The following ABCE1 variants were observed in gnomAD, a reference collection of about 807,000 sequenced individuals.
The protein encoded by ABCE1 is ATP-binding cassette sub-family E member 1.
In ABCE1, 22 loss-of-function variants were observed where a neutral mutation model predicts 83.4. That is an observed-to-expected ratio of 0.26 (90% CI 0.19 to 0.38). The LOEUF (loss-of-function observed/expected upper bound fraction) is 0.38, where lower values mean the gene tolerates loss of function less well. Ranked by LOEUF, ABCE1 falls within the 10% of genes least tolerant of loss-of-function variation. The probability of loss-of-function intolerance (pLI) is 1.00; values close to 1 mark genes in which losing one functional copy is unlikely to be tolerated. For synonymous variants in ABCE1, 204 were observed against 233.7 expected, an observed-to-expected ratio of 0.87 and a Z score of 1.16; for missense variants, 330 against 721.9, an observed-to-expected ratio of 0.46 and a Z score of 6.22.
At position 145,127,868 on chromosome 4, in the gene ABCE1, G is replaced by T. The variant is rs1579226828; in HGVS notation, c.*295G>T. On this transcript the variant is annotated 3_prime_UTR_variant, in exon 18 of 18. Transcript: ENST00000296577. Reference sequence around the variant, plus strand: ...TGATGTATGGGAAGATTTTCAGTAGGTGTATTATATTCACGGTACCAAATG... The same window carrying T: ...TGATGTATGGGAAGATTTTCAGTAGTTGTATTATATTCACGGTACCAAATG... 2.1e-5 allele frequency: 5 copies of T among 243,250 alleles called. No individual in the cohort carries two copies. Among genetic ancestry groups the T allele is most frequent in the Admixed American group, 6.0e-5 (1 of 16,764 alleles). 15.1% of individuals were successfully genotyped at this position (243,250 alleles called of 1,614,324 possible).
At position 145,123,580 on chromosome 4, in the gene ABCE1, T is replaced by C. The variant is rs368605601; in HGVS notation, c.1620T>C (p.Ser540=). The C allele has an allele frequency of 1.7e-4, 275 of 1,601,260 alleles. No individual in the cohort carries two copies. The highest frequency in any genetic ancestry group is 2.1e-4 in the Non-Finnish European group (245 of 1,169,372). The change falls in exon 16 of 18, where the codon TCT becomes TCC. Residue 540 remains serine, a synonymous_variant. Transcript: ENST00000296577. The part of the protein sequence containing the change: ...DRVIVFDGVP[S]KNTVANSPQT... ...TCATCGTTTTTGATGGTGTTCCATC[T>C]AAGAACACAGTTGCAAACAGGTAAA...
rs1022077170 is a variant in ABCE1 at position 145,119,849 on chromosome 4, A to G, written c.923-83A>G. ...GCAAAAATCCACAGAAATTTAAAGT[A>G]TATAGTCTATAGATTGCTCCCAAGA... is the stretch of plus-strand genomic sequence containing the variant. On this transcript the variant is annotated intron_variant, in intron 10 of 17. Coordinates refer to ENST00000296577, the MANE Select transcript of ABCE1 (RefSeq NM_002940.3). 43 of 933,954 alleles carry G rather than the reference A, an allele frequency of 4.6e-5. No homozygotes were observed. In the Middle Eastern group the frequency reaches 6.3e-4, roughly 14 times the overall value. The allele number at this position is 933,954 out of a possible 1,614,324, so 57.9% of individuals were successfully genotyped here. A position where few individuals can be genotyped will look rare whatever the true frequency, so the allele number is the denominator to read the frequency against.
Position 145,112,274 on chromosome 4 carries a change from T to C in ABCE1, c.746T>C (p.Val249Ala). The C allele has an allele frequency of 6.3e-7, 1 of 1,592,334 alleles. No individual in the cohort carries two copies. Among genetic ancestry groups the C allele is most frequent in the Non-Finnish European group, 8.5e-7 (1 of 1,172,626 alleles). Reference protein sequence around the residue: ...MFDEPSSYLDVKQRLKAAITI... With the variant: ...MFDEPSSYLDAKQRLKAAITI... ...GATGAGCCTTCTAGTTACCTAGATG[T>C]CAAGCAGCGTTTAAAGGCTGCTATT... Residue 249 changes from valine (V) to alanine (A), a missense_variant, in exon 9 of 18, where the codon GTC (valine) becomes GCC (alanine). Physicochemically the swap from Val to Ala is moderately conservative, Grantham distance 64 (BLOSUM62 0). Transcript: ENST00000296577.
Position 145,123,467 on chromosome 4 carries a change from TTG to T in ABCE1, c.1518-7_1518-6del. The T allele has an allele frequency of 2.5e-6, 4 of 1,593,806 alleles. No homozygotes were observed. The highest frequency in any genetic ancestry group is 3.4e-6 in the Non-Finnish European group (4 of 1,163,522). On this transcript the variant is annotated splice_polypyrimidine_tract_variant and intron_variant, in intron 15 of 17. Transcript: ENST00000296577. Reference sequence around the variant, plus strand: ...AGAAAGCTATAAGATTTCAAAATCATTGTGTTTTAGTTTCATACTCCATGCAA... The same window carrying T: ...AGAAAGCTATAAGATTTCAAAATCATTGTTTTAGTTTCATACTCCATGCAA...
At chr4:145,112,355 T>C in intron 9 of ABCE1, 27 bp downstream of exon 9, 1 of 1,432,176 alleles carries the variant, frequency 7.0e-7, no homozygotes, top group Middle Eastern at 2.3e-4. Context: ...CATATTACTG[T>C]GTTGTTTTGT....
Position 145,117,276 on chromosome 4 carries a change from T to A in ABCE1, c.801-17T>A. The A allele has an allele frequency of 6.3e-7, 1 of 1,588,566 alleles. No homozygotes were observed. The highest frequency in any genetic ancestry group is 8.6e-7 in the Non-Finnish European group (1 of 1,167,494). On this transcript the variant is annotated splice_polypyrimidine_tract_variant and intron_variant, in intron 9 of 17. Transcript: ENST00000296577. The stretch of plus-strand genomic sequence containing the variant: ...AGTTATGTAAGAGTTTTAACTAAAA[T>A]CTGGTTTGATTTTCAGATATATCAT...
intron 10 of ABCE1, 37 bp from the exon 11 acceptor site, chr4:145,119,895 A>T: frequency 6.6e-7 from 1 of 1,521,656 alleles, no homozygotes; most frequent in Non-Finnish European, 9.1e-7. Context: ...TTTTGGCTCT[A>T]ATGATTTCTC....
At chr4:145,124,854 G>A (rs1462593842) in intron 16 of ABCE1, 136 bp from the exon 17 acceptor site, 1 of 609,108 alleles carries the variant, frequency 1.6e-6, no homozygotes, top group Non-Finnish European at 2.9e-6. Flanking sequence ...GTAATATGCT[G>A]TTATTATACT....
chr4:145,124,315 GAAATA>G (rs1340530537), intron 16 of ABCE1, among the ~76,000 whole-genome samples: 1 of 151,600 alleles, frequency 6.6e-6, no homozygotes, highest in Non-Finnish European at 1.5e-5. Context: ...ATTCATCTAA[GAAATA>G]AAAGTATTTT....
At chr4:145,112,463 T>G in intron 9 of ABCE1, 135 bp downstream of exon 9, 1 of 646,876 alleles carries the variant, frequency 1.5e-6, no homozygotes, top group Non-Finnish European at 2.7e-6. Context: ...CACCTAAATT[T>G]ACCTTTCTTT....
chr4:145,108,076 C>T lies in ABCE1; in HGVS notation c.251C>T (p.Thr84Ile). The T allele has an allele frequency of 1.2e-6, 2 of 1,613,710 alleles. No homozygotes were observed. The highest frequency in any genetic ancestry group is 1.7e-6 in the Non-Finnish European group (2 of 1,179,754). The change falls in exon 4 of 18, where the codon ACA becomes ATA. Residue 84 changes from threonine (T) to isoleucine (I), a missense_variant. Thr to Ile is a moderately conservative substitution (Grantham distance 89). Transcript: ENST00000296577. ...NLPSNLEKETTHRYCANAFKL... is the reference protein window; with the variant it reads ...NLPSNLEKETIHRYCANAFKL... ...CCAAGCAACTTGGAAAAAGAAACCA[C>T]ACATCGATATTGTGCCAATGCCTTC...
At position 145,125,934 on chromosome 4, in the gene ABCE1, G is replaced by T. The variant is rs551512693; in HGVS notation, c.1752+833G>T. ...CATGCGCCTGTAATCCCAGCTACTC[G>T]GGAGGCTGAGGCAGGAGAATCACTT... On this transcript the variant is annotated intron_variant, in intron 17 of 17. Transcript: ENST00000296577. Among the ~76,000 whole-genome samples, 3 of 151,750 alleles carry T rather than the reference G, an allele frequency of 2.0e-5. No homozygotes were observed. The South Asian group carries it at 6.3e-4, about 32-fold the overall frequency.
chr4:145,111,399 C>G (rs1749469591), intron 8 of ABCE1, among the ~76,000 whole-genome samples: 1 of 152,248 alleles, frequency 6.6e-6, no homozygotes, highest in Non-Finnish European at 1.5e-5. Flanking sequence ...TCTTGGCTCA[C>G]TACAAGCTCC....
At position 145,108,071 on chromosome 4, in the gene ABCE1, A is replaced by G. The variant is rs753344157; in HGVS notation, c.246A>G (p.Glu82=). The part of the protein sequence containing the change: ...IVNLPSNLEK[E]TTHRYCANAF... Reference sequence around the variant, plus strand: ...ATCTACCAAGCAACTTGGAAAAAGAAACCACACATCGATATTGTGCCAATG... The same window carrying G: ...ATCTACCAAGCAACTTGGAAAAAGAGACCACACATCGATATTGTGCCAATG... The change falls in exon 4 of 18, where the codon GAA becomes GAG. Residue 82 remains glutamate, a synonymous_variant. Coordinates refer to ENST00000296577, the MANE Select transcript of ABCE1 (RefSeq NM_002940.3). 13 of 1,613,592 alleles carry G rather than the reference A, an allele frequency of 8.1e-6. No homozygotes were observed. The African/African-American group carries it at 1.3e-4, about 17-fold the overall frequency.
chr4:145,111,887 A>G (rs1381102437), intron 8 of ABCE1, among the ~76,000 whole-genome samples: 1 of 152,160 alleles, frequency 6.6e-6, no homozygotes, highest in East Asian at 1.9e-4. Context: ...TTCTTGAAAT[A>G]CCCTCCAAAA....
chr4:145,115,309 A>G (rs1463452351), intron 9 of ABCE1, among the ~76,000 whole-genome samples: 7 of 151,924 alleles, frequency 4.6e-5, no homozygotes, highest in South Asian at 2.1e-4. Flanking sequence ...ACGTAATACA[A>G]TGCTCCCTCA....
intron 1 of ABCE1, among the ~76,000 whole-genome samples, chr4:145,101,004 G>T (rs1749135528): frequency 6.6e-6 from 1 of 151,918 alleles, no homozygotes; most frequent in African/African-American, 2.4e-5. Flanking sequence ...GTATGTGTTT[G>T]TAGAGAGACA....
rs1213437308 is a variant in ABCE1 at position 145,120,156 on chromosome 4, A to G, written c.1144+3A>G. On this transcript the variant is annotated splice_donor_region_variant and intron_variant, in intron 11 of 17. Coordinates refer to ENST00000296577, the MANE Select transcript of ABCE1 (RefSeq NM_002940.3). ...TATGGTGATGCTGGGGGAAAATGGT[A>G]AGTTTTCTGTTTTGTGATAAGTAAA... 1.3e-6 allele frequency: 2 copies of G among 1,598,228 alleles called. No individual in the cohort carries two copies. The highest frequency in any genetic ancestry group is 1.4e-5 in the African/African-American group (1 of 73,990).
intron 16 of ABCE1, 97 bp from the exon 17 acceptor site, chr4:145,124,893 T>C: frequency 2.6e-6 from 2 of 759,192 alleles, no homozygotes; most frequent in South Asian, 3.5e-5. Flanking sequence ...GATTGGGGAA[T>C]TTGAGGTAAT....
Sources: allele counts gnomAD v4.1 joint callset (sites outside exome capture counted in the v4.1 genomes callset), GRCh38; gene constraint gnomAD v4.1.1; transcripts MANE v1.5; gene names NCBI Gene and HGNC (gene_info 2026-07-23, HGNC 2026-07-21).